Variants in LRP1B observed in about 807,000 individuals in gnomAD.
LRP1B encodes the protein low-density lipoprotein receptor-related protein 1B.
LRP1B carries 217 observed loss-of-function variants against 556.6 expected under a neutral mutation model. The ratio of observed to expected loss-of-function variants is 0.39; its 90% CI spans 0.35 to 0.44. The LOEUF (loss-of-function observed/expected upper bound fraction) is 0.44, where lower values mean the gene tolerates loss of function less well. Among genes scored for constraint, LRP1B ranks in the 20% least tolerant of loss-of-function variants. The pLI, the probability that LRP1B is intolerant of heterozygous loss-of-function variation, is 1.00. For missense variants in LRP1B, 5,053 were observed against 5,620.8 expected, an observed-to-expected ratio of 0.90 and a Z score of 3.23; for synonymous variants, 2,047 against 1,865.8, an observed-to-expected ratio of 1.10 and a Z score of -2.50.
intron 14 of LRP1B, among the ~76,000 whole-genome samples, chr2:141,006,200 G>A (rs1434750707): frequency 2.0e-5 from 3 of 152,004 alleles, no homozygotes; most frequent in African/African-American, 7.2e-5. Flanking sequence ...TAGTCATAGT[G>A]ATGTTTCAGT....
intron 3 of LRP1B, among the ~76,000 whole-genome samples, chr2:141,298,440 C>G (rs1248108744): frequency 6.6e-6 from 1 of 152,128 alleles, no homozygotes; most frequent in African/African-American, 2.4e-5. Flanking sequence ...TTTGTCATGA[C>G]TCTGTAACAA....
At chr2:140,516,040 A>T (rs566406897) in intron 50 of LRP1B, among the ~76,000 whole-genome samples, 1 of 152,208 alleles carries the variant, frequency 6.6e-6, no homozygotes, top group South Asian at 2.1e-4. Context: ...ATGCTTTCTT[A>T]GTTTGACAAT....
chr2:140,891,331 T>G (rs1467967448), intron 23 of LRP1B, among the ~76,000 whole-genome samples: 1 of 152,052 alleles, frequency 6.6e-6, no homozygotes, highest in African/African-American at 2.4e-5. Flanking sequence ...AGCAGATGAG[T>G]TGCCTAGGAA....
chr2:141,307,193 C>T (rs1558994506), intron 3 of LRP1B, among the ~76,000 whole-genome samples: 1 of 151,810 alleles, frequency 6.6e-6, no homozygotes, highest in Non-Finnish European at 1.5e-5. Context: ...CTGTCTCATG[C>T]TGAGAGTAGG....
chr2:141,161,146 A>G (rs1380762984), intron 7 of LRP1B, among the ~76,000 whole-genome samples: 1 of 152,240 alleles, frequency 6.6e-6, no homozygotes, highest in Non-Finnish European at 1.5e-5. Flanking sequence ...GAAGAAAATT[A>G]GTGCAAAATT....
chr2:140,532,222 C>T (rs1212707035), intron 47 of LRP1B, among the ~76,000 whole-genome samples: 1 of 152,088 alleles, frequency 6.6e-6, no homozygotes, highest in Non-Finnish European at 1.5e-5. Flanking sequence ...CAATCCTATT[C>T]TTTTCATTCC....
At chr2:142,010,757 T>C (rs915911890) in intron 1 of LRP1B, among the ~76,000 whole-genome samples, 5 of 151,968 alleles carry the variant, frequency 3.3e-5, no homozygotes, top group Admixed American at 1.3e-4. Context: ...ACAACTACTA[T>C]CAGCTCAGCA....
At chr2:140,821,050 G>A (rs1311233550) in intron 31 of LRP1B, among the ~76,000 whole-genome samples, 5 of 151,810 alleles carry the variant, frequency 3.3e-5, no homozygotes, top group African/African-American at 1.2e-4. Context: ...TTAACTGTAT[G>A]ATGAGCATAG....
intron 1 of LRP1B, among the ~76,000 whole-genome samples, chr2:141,930,943 C>T (rs1172746600): frequency 2.0e-5 from 3 of 152,018 alleles, no homozygotes; most frequent in African/African-American, 7.2e-5. Flanking sequence ...GGAAACCACT[C>T]CTTTCAGTTT....
chr2:141,048,856 T>G (rs1698954918), intron 11 of LRP1B, 130 bp downstream of exon 11: 4 of 708,636 alleles, frequency 5.6e-6, no homozygotes, highest in Non-Finnish European at 9.9e-6. Flanking sequence ...GAAATAACAT[T>G]AAAAAATATT....
In LRP1B at chr2:140,769,243, A is replaced by T. The variant is rs200076285; in HGVS notation, c.5728T>A (p.Ser1910Thr). 120 of 1,612,230 alleles carry T rather than the reference A, an allele frequency of 7.4e-5. No individual in the cohort carries two copies. Among genetic ancestry groups the T allele is most frequent in the South Asian group, 4.0e-4 (36 of 91,026 alleles). ...MDALMPISGT[S>T]FAVGIDFHAE... ...TGGAAATCTATTCCCACGGCAAATG[A>T]AGTTCCTGATATAGGCATCAAAGCA... Residue 1910 changes from serine (S) to threonine (T), a missense_variant, in exon 35 of 91, where the codon TCA (serine) becomes ACA (threonine). Around this residue, in one of 5 missense-constraint regions of LRP1B, gnomAD observed 3,619 missense variants for 3,931.9 expected, o/e 0.92. Coordinates refer to ENST00000389484, the MANE Select transcript of LRP1B (RefSeq NM_018557.3).
At chr2:141,951,347 C>T (rs1701100491) in intron 1 of LRP1B, among the ~76,000 whole-genome samples, 2 of 152,086 alleles carry the variant, frequency 1.3e-5, no homozygotes, top group Admixed American at 6.6e-5. Flanking sequence ...CCCAATCTCC[C>T]CAACTCCGAG....
intron 7 of LRP1B, among the ~76,000 whole-genome samples, chr2:141,184,509 CCTCA>C (rs760135895): frequency 6.6e-6 from 1 of 151,884 alleles, no homozygotes; most frequent in Non-Finnish European, 1.5e-5. Flanking sequence ...AACGCACAGG[CCTCA>C]CTAAGTTTCC....
chr2:141,725,119 T>A (rs977996347), intron 2 of LRP1B, among the ~76,000 whole-genome samples: 28 of 151,908 alleles, frequency 1.8e-4, no homozygotes, highest in African/African-American at 6.3e-4. Context: ...GTTAAATATA[T>A]GTAATTGGGA....
chr2:142,115,647 ATATAT>A (rs1331087847), intron 1 of LRP1B, among the ~76,000 whole-genome samples: 208 of 15,998 alleles, frequency 0.013, 70 homozygotes, highest in African/African-American at 0.031. Flanking sequence ...TATGTAATAT[ATATAT>A]TATATGTAAT....
At chr2:140,685,141 C>T (rs1262788636) in intron 41 of LRP1B, among the ~76,000 whole-genome samples, 1 of 152,168 alleles carries the variant, frequency 6.6e-6, no homozygotes, top group Admixed American at 6.5e-5. Flanking sequence ...GAGAGGGACC[C>T]TCTACTTTCT....
chr2:140,431,519 G>A (rs929127291), intron 66 of LRP1B, among the ~76,000 whole-genome samples: 4 of 152,082 alleles, frequency 2.6e-5, no homozygotes, highest in Non-Finnish European at 4.4e-5. Flanking sequence ...GATTTACACT[G>A]TTTCTCCAAG....
intron 35 of LRP1B, among the ~76,000 whole-genome samples, chr2:140,726,560 A>C (rs1175441837): frequency 2.0e-5 from 3 of 152,152 alleles, no homozygotes; most frequent in Non-Finnish European, 4.4e-5. Flanking sequence ...CCTCCTTCCA[A>C]AAATATATAA....
chr2:140,772,646 T>C lies in LRP1B; in HGVS notation c.5501-1640A>G, dbSNP rs147134280. ...AGTTATATACTGACAATCTACATATTTCATTTTGTAGAAAGCATGGGTATA... is the reference window on the plus strand; with the variant it reads ...AGTTATATACTGACAATCTACATATCTCATTTTGTAGAAAGCATGGGTATA... On this transcript the variant is annotated intron_variant, in intron 33 of 90. Transcript: ENST00000389484. Among the ~76,000 whole-genome samples, 89 of 152,270 alleles carry C rather than the reference T, an allele frequency of 5.8e-4. 2 individuals are homozygous for C. The East Asian group carries it at 0.017, about 29-fold the overall frequency.
Sources: allele counts gnomAD v4.1 joint callset (sites outside exome capture counted in the v4.1 genomes callset), GRCh38; gene constraint gnomAD v4.1.1; regional missense constraint gnomAD v4.1.1; transcripts MANE v1.5; gene names NCBI Gene and HGNC (gene_info 2026-07-23, HGNC 2026-07-21).